Variants in BCAR1 observed in about 807,000 individuals in gnomAD.
BCAR1 encodes breast cancer anti-estrogen resistance protein 1.
A neutral mutation model predicts 67.6 loss-of-function variants in BCAR1; 30 were observed. The observed-to-expected ratio is 0.44, with a 90% confidence interval of 0.33 to 0.60. BCAR1 has a LOEUF of 0.60. BCAR1 is among the 20% of genes least tolerant of loss of function. BCAR1 has a pLI of 0.02. For missense variants in BCAR1, 1,313 were observed against 1,222.3 expected (o/e 1.07, Z -1.11); for synonymous variants, 626 against 556.7 (o/e 1.12, Z -1.75).
At chr16:75,240,294 G>A (rs762897418) in intron 2 of BCAR1, among the ~76,000 whole-genome samples, 7 of 152,138 alleles carry the variant, frequency 4.6e-5, no homozygotes, top group Non-Finnish European at 8.8e-5. Flanking sequence ...GGCATTTGAG[G>A]GGCAGGCCTG....
At chr16:75,231,483 G>A (rs1295789556) in intron 6 of BCAR1, among the ~76,000 whole-genome samples, 1 of 152,134 alleles carries the variant, frequency 6.6e-6, no homozygotes, top group Non-Finnish European at 1.5e-5. Context: ...ACACTTTGTG[G>A]GTGGAGATTT....
intron 1 of BCAR1, among the ~76,000 whole-genome samples, chr16:75,267,387 A>G (rs1209254922): frequency 1.7e-5 from 1 of 60,032 alleles, no homozygotes; most frequent in Non-Finnish European, 3.6e-5. Context: ...GCAGGGCCAC[A>G]GCAAGCCGGG....
intron 1 of BCAR1, among the ~76,000 whole-genome samples, chr16:75,260,693 TG>T (rs1429839405): frequency 2.7e-5 from 4 of 149,844 alleles, no homozygotes; most frequent in Non-Finnish European, 5.9e-5. Context: ...TTTCACGACA[TG>T]TAAAATTTAC....
chr16:75,244,470 G>A (rs1474233967), intron 1 of BCAR1, among the ~76,000 whole-genome samples: 3 of 152,254 alleles, frequency 2.0e-5, no homozygotes, highest in Non-Finnish European at 2.9e-5. Flanking sequence ...GCAGGGGCTG[G>A]ACAGTGCCCC....
chr16:75,256,607 G>T (rs968176180), upstream of BCAR1, among the ~76,000 whole-genome samples: 2 of 152,152 alleles, frequency 1.3e-5, no homozygotes, highest in Non-Finnish European at 2.9e-5. Context: ...TCAGAAACAG[G>T]ACTGGAAGAG....
chr16:75,241,078 G>A (rs144843328), intron 2 of BCAR1, among the ~76,000 whole-genome samples: 14 of 152,338 alleles, frequency 9.2e-5, no homozygotes, highest in African/African-American at 3.4e-4. Context: ...GTGTGCATAC[G>A]CACATACATT....
chr16:75,229,376 G>C lies in BCAR1; in HGVS notation c.*135C>G. The C allele has an allele frequency of 7.7e-7, 1 of 1,295,786 alleles. No individual in the cohort carries two copies. Among genetic ancestry groups the C allele is most frequent in the Non-Finnish European group, 1.0e-6 (1 of 975,096 alleles). The allele number at this position is 1,295,786 out of a possible 1,614,324, so 80.3% of individuals were successfully genotyped here. Reference sequence around the variant, plus strand: ...GGCCATAAATATATACAGATTCCTGGGCATCCAGGGCACCAGGACCGACGC... The same window carrying C: ...GGCCATAAATATATACAGATTCCTGCGCATCCAGGGCACCAGGACCGACGC... On this transcript the variant is annotated 3_prime_UTR_variant, in exon 7 of 7. Coordinates refer to ENST00000162330, the MANE Select transcript of BCAR1 (RefSeq NM_014567.5).
chr16:75,256,521 G>A (rs552870844), upstream of BCAR1, among the ~76,000 whole-genome samples: 2 of 151,738 alleles, frequency 1.3e-5, no homozygotes, highest in African/African-American at 2.4e-5. Context: ...GGATGGGGGG[G>A]GGTGGGGCCT....
chr16:75,242,873 C>T lies in BCAR1; in HGVS notation c.230G>A (p.Gly77Asp). The T allele has an allele frequency of 6.2e-7, 1 of 1,610,072 alleles. No individual in the cohort carries two copies. ...YDKKPAGPGP[G>D]PPATPAQPQP... ...AGGCTGGGCCGGGGTGGCGGGAGGGCCGGGGCCAGGCCCTGCTGGCTTCTT... is the reference window on the plus strand; with the variant it reads ...AGGCTGGGCCGGGGTGGCGGGAGGGTCGGGGCCAGGCCCTGCTGGCTTCTT... The change falls in exon 2 of 7, where the codon GGC becomes GAC. Residue 77 changes from glycine (G) to aspartate (D), a missense_variant. Around this residue, in one of 2 missense-constraint regions of BCAR1, gnomAD observed 1,272 missense variants for 1,137.5 expected, o/e 1.12. Transcript: ENST00000162330.
chr16:75,237,862 G>C (rs1457751327), intron 2 of BCAR1, among the ~76,000 whole-genome samples: 3 of 152,154 alleles, frequency 2.0e-5, no homozygotes, highest in Non-Finnish European at 4.4e-5. Context: ...ATAGAGCCTA[G>C]CACCCCCTGC....
intron 2 of BCAR1, among the ~76,000 whole-genome samples, chr16:75,240,104 T>A (rs374352185): frequency 1.3e-5 from 2 of 152,096 alleles, no homozygotes; most frequent in Non-Finnish European, 2.9e-5. Context: ...GCTCCCACCT[T>A]AGCAACCACT....
At chr16:75,230,135 T>C in intron 6 of BCAR1, 112 bp from the exon 7 acceptor site, 1 of 1,311,524 alleles carries the variant, frequency 7.6e-7, no homozygotes, top group Non-Finnish European at 1.0e-6. Context: ...CTACTCAGAG[T>C]GCATGGGACT....
intron 1 of BCAR1, among the ~76,000 whole-genome samples, chr16:75,257,379 C>A (rs1235240732): frequency 1.3e-5 from 2 of 152,190 alleles, no homozygotes; most frequent in Admixed American, 6.5e-5. Context: ...CAAGAGGGGA[C>A]CCTGGGGGCT....
At chr16:75,251,023 C>A in intron 1 of BCAR1, 1 of 979,176 alleles carries the variant, frequency 1.0e-6, no homozygotes, top group Non-Finnish European at 1.2e-6. Flanking sequence ...CTCGGTCCCC[C>A]GGAGCTCCTC....
chr16:75,229,450 G>T lies in BCAR1; in HGVS notation c.*61C>A, dbSNP rs1469713647. The stretch of plus-strand genomic sequence containing the variant: ...CCTGTGGCACAGCGACTCTTGACAT[G>T]GGAGCCAGGGAGCTGGGACCGCCGC... On this transcript the variant is annotated 3_prime_UTR_variant, in exon 7 of 7. Transcript: ENST00000162330. 2 of 1,455,536 alleles carry T rather than the reference G, an allele frequency of 1.4e-6. No homozygotes were observed. The highest frequency in any genetic ancestry group is 1.4e-5 in the South Asian group (1 of 70,766). 90.2% of individuals were successfully genotyped at this position (1,455,536 alleles called of 1,614,324 possible).
At position 75,234,953 on chromosome 16, in the gene BCAR1, G is replaced by A. The variant is rs368776894; in HGVS notation, c.1946C>T (p.Pro649Leu). The change falls in exon 5 of 7, where the codon CCA becomes CTA. Residue 649 changes from proline (P) to leucine (L), a missense_variant. By Grantham distance (98) the Pro-to-Leu change is moderately conservative (BLOSUM62 -3). Coordinates refer to ENST00000162330, the MANE Select transcript of BCAR1 (RefSeq NM_014567.5). Reference sequence around the variant, plus strand: ...CTCGCTGTTCTCGTACTGCCCATCTGGCGAGTCCTGGGAGGTGAACTTAGG... The same window carrying A: ...CTCGCTGTTCTCGTACTGCCCATCTAGCGAGTCCTGGGAGGTGAACTTAGG... ...SPPKFTSQDSPDGQYENSEGG... is the reference protein window; with the variant it reads ...SPPKFTSQDSLDGQYENSEGG... 9 of 1,587,144 alleles carry A rather than the reference G, an allele frequency of 5.7e-6. No individual in the cohort carries two copies. The highest frequency in any genetic ancestry group is 7.7e-6 in the Non-Finnish European group (9 of 1,162,236).
At chr16:75,241,290 C>T (rs549179056) in intron 2 of BCAR1, among the ~76,000 whole-genome samples, 96 of 152,266 alleles carry the variant, frequency 6.3e-4, no homozygotes, top group African/African-American at 2.2e-3. Context: ...CATGTATTCA[C>T]GCACATTCAT....
chr16:75,245,840 CCTT>C (rs1332191560), intron 1 of BCAR1, among the ~76,000 whole-genome samples: 2 of 152,190 alleles, frequency 1.3e-5, no homozygotes, highest in Admixed American at 6.5e-5. Flanking sequence ...GACATGCACT[CCTT>C]CTTCCTCACT....
intron 2 of BCAR1, among the ~76,000 whole-genome samples, chr16:75,239,784 C>T (rs1380631689): frequency 6.6e-6 from 1 of 152,192 alleles, no homozygotes; most frequent in Admixed American, 6.5e-5. Context: ...CCCCTCCCTC[C>T]CCAGCTCCAG....
Sources: gnomAD v4.1 joint callset for allele counts (sites outside exome capture counted in the v4.1 genomes callset) on GRCh38, gnomAD v4.1.1 for gene constraint, gnomAD v4.1.1 regional missense constraint, MANE v1.5 for transcripts, NCBI Gene and HGNC (gene_info 2026-07-23, HGNC 2026-07-21) for gene names.